Variants in CTBP2 observed in about 807,000 individuals in gnomAD.
The protein encoded by CTBP2 is C-terminal binding protein 2.
In CTBP2, 30 loss-of-function variants were observed where a neutral mutation model predicts 80.3. The observed-to-expected ratio is 0.37, with a 90% CI of 0.28 to 0.51. CTBP2 has a LOEUF of 0.51. Among genes scored for constraint, CTBP2 ranks in the 20% least tolerant of loss-of-function variants. CTBP2 has a pLI of 0.93. For synonymous variants in CTBP2, 594 were observed against 587.4 expected (o/e 1.01, Z -0.16); for missense variants, 1,212 against 1,375.3 (o/e 0.88, Z 1.88).
chr10:125,098,973 TC>T (rs1277465460), intron 2 of CTBP2, among the ~76,000 whole-genome samples: 1 of 152,110 alleles, frequency 6.6e-6, no homozygotes, highest in Non-Finnish European at 1.5e-5. Flanking sequence ...CTCAGCAAGC[TC>T]ACCTGACTGA....
At chr10:125,020,954 G>C (rs1956976886) in intron 1 of CTBP2, among the ~76,000 whole-genome samples, 1 of 152,238 alleles carries the variant, frequency 6.6e-6, no homozygotes, top group African/African-American at 2.4e-5. Context: ...TAGGAGAGCA[G>C]TCTTTGCACA....
intron 1 of CTBP2, among the ~76,000 whole-genome samples, chr10:125,006,292 A>C (rs1477935622): frequency 3.4e-5 from 5 of 145,898 alleles, no homozygotes; most frequent in Non-Finnish European, 7.6e-5. Flanking sequence ...GATGCCGGGC[A>C]CGACGGCTGG....
upstream of CTBP2, among the ~76,000 whole-genome samples, chr10:125,029,163 TCA>T (rs1957937039): frequency 6.6e-6 from 1 of 151,868 alleles, no homozygotes; most frequent in South Asian, 2.1e-4. Context: ...TGTTCCTCAC[TCA>T]CATCTCTCTC....
At chr10:125,059,438 C>A (rs975596466) in intron 2 of CTBP2, among the ~76,000 whole-genome samples, 1 of 151,998 alleles carries the variant, frequency 6.6e-6, no homozygotes, top group African/African-American at 2.4e-5. Flanking sequence ...AAAAATTAGC[C>A]GGGTGTGGTG....
At chr10:125,011,393 A>G (rs867968375) in intron 1 of CTBP2, among the ~76,000 whole-genome samples, 1 of 152,328 alleles carries the variant, frequency 6.6e-6, no homozygotes, top group South Asian at 2.1e-4. Context: ...CTGGACACAG[A>G]GCTGGCGAGG....
chr10:125,012,644 G>A (rs1327659285), intron 1 of CTBP2, among the ~76,000 whole-genome samples: 1 of 152,174 alleles, frequency 6.6e-6, no homozygotes, highest in Non-Finnish European at 1.5e-5. Context: ...AAAAATTGTT[G>A]TTGTTGTTGT....
intron 2 of CTBP2, among the ~76,000 whole-genome samples, chr10:125,043,052 T>C (rs73375166): frequency 0.1 from 15,203 of 152,222 alleles, 1,054 homozygotes; most frequent in African/African-American, 0.2. Flanking sequence ...TTTCTGAAGA[T>C]GAACAAGGCT....
chr10:125,004,601 G>C (rs1954986738), intron 1 of CTBP2, among the ~76,000 whole-genome samples: 1 of 152,158 alleles, frequency 6.6e-6, no homozygotes, highest in South Asian at 2.1e-4. Flanking sequence ...TGCCAGGAAG[G>C]GGCAATGTCT....
intron 1 of CTBP2, among the ~76,000 whole-genome samples, chr10:125,025,567 CT>C (rs1479737451): frequency 6.6e-6 from 1 of 152,236 alleles, no homozygotes; most frequent in Non-Finnish European, 1.5e-5. Context: ...ACATTTTCAT[CT>C]CCACGGTGGG....
intron 2 of CTBP2, among the ~76,000 whole-genome samples, chr10:125,073,405 A>G (rs1845809751): frequency 6.6e-6 from 1 of 151,998 alleles, no homozygotes; most frequent in Non-Finnish European, 1.5e-5. Context: ...CACCACACCC[A>G]GCTATATTTT....
At chr10:125,004,594 C>T (rs1471898384) in intron 1 of CTBP2, among the ~76,000 whole-genome samples, 1 of 152,184 alleles carries the variant, frequency 6.6e-6, no homozygotes, top group Non-Finnish European at 1.5e-5. Context: ...GCCGAGATGC[C>T]AGGAAGGGGC....
intron 1 of CTBP2, among the ~76,000 whole-genome samples, chr10:125,021,146 T>C (rs1956997459): frequency 6.6e-6 from 1 of 152,080 alleles, no homozygotes; most frequent in Admixed American, 6.5e-5. Flanking sequence ...AGGGCCTCAG[T>C]AGTCCAGTGT....
Position 125,027,968 on chromosome 10 carries a change from C to T in CTBP2, c.-209G>A, listed in dbSNP as rs1957825490. 7.3e-7 allele frequency: 1 copy of T among 1,363,514 alleles called. No individual in the cohort carries two copies. Among genetic ancestry groups the T allele is most frequent in the Middle Eastern group, 2.7e-4 (1 of 3,644 alleles). 84.5% of individuals were successfully genotyped at this position (1,363,514 alleles called of 1,614,324 possible). Reference sequence around the variant, plus strand: ...AAACATAAGACTCACGGTAACTTTGCCTCACTCCCCAACGATAGCCAGAGA... The same window carrying T: ...AAACATAAGACTCACGGTAACTTTGTCTCACTCCCCAACGATAGCCAGAGA... On this transcript the variant is annotated 5_prime_UTR_variant, in exon 1 of 9. Coordinates refer to ENST00000309035, the MANE Select transcript of CTBP2 (RefSeq NM_022802.3).
Position 125,049,496 on chromosome 10 carries a change from G to A in CTBP2, c.-101-10341C>T, listed in dbSNP as rs1168909282. On this transcript the variant is annotated intron_variant, in intron 2 of 10. Coordinates refer to the CTBP2 transcript ENST00000337195. ...CTTCTCTTCATGGCTCTGATGCCAC[G>A]AATACCTCACAAGCTTGCTCCAAGT... 2.6e-5 allele frequency among the ~76,000 whole-genome samples: 4 copies of A among 152,114 alleles called. No homozygotes were observed. In the East Asian group the frequency reaches 5.8e-4, roughly 22 times the overall value.
intron 1 of CTBP2, among the ~76,000 whole-genome samples, chr10:125,156,128 G>T (rs1008056044): frequency 1.3e-5 from 2 of 152,136 alleles, no homozygotes; most frequent in African/African-American, 4.8e-5. Context: ...TCCACCCTGT[G>T]TAACAGACCT....
chr10:125,014,688 C>A (rs1956294429), intron 1 of CTBP2, among the ~76,000 whole-genome samples: 1 of 152,240 alleles, frequency 6.6e-6, no homozygotes, highest in African/African-American at 2.4e-5. Context: ...GGAACACCAG[C>A]CCTCCAGAAA....
At chr10:125,104,312 A>G (rs907595359) in intron 2 of CTBP2, among the ~76,000 whole-genome samples, 2 of 152,190 alleles carry the variant, frequency 1.3e-5, no homozygotes, top group Non-Finnish European at 2.9e-5. Context: ...ACTGCTGCTC[A>G]TCCACGGCTG....
chr10:125,103,396 G>A (rs1850940568), intron 2 of CTBP2, among the ~76,000 whole-genome samples: 2 of 152,324 alleles, frequency 1.3e-5, no homozygotes, highest in African/African-American at 4.8e-5. Flanking sequence ...AATCACTCTG[G>A]AAGGTTCTAA....
Position 125,027,164 on chromosome 10 carries a change from C to T in CTBP2, c.596G>A (p.Gly199Glu), listed in dbSNP as rs138928811. 116 of 1,605,360 alleles carry T rather than the reference C, an allele frequency of 7.2e-5. 1 individual carries two copies. Among genetic ancestry groups the T allele is most frequent in the African/African-American group, 7.1e-4 (53 of 74,904 alleles). Residue 199 changes from glycine to glutamate, a missense_variant, in exon 1 of 9, where the codon GGG becomes GAG. By Grantham distance (98) the Gly-to-Glu change is moderately conservative (BLOSUM62 -2). This residue lies in a region of CTBP2 where 848 missense variants were observed against 782.3 expected (regional missense o/e 1.08). Transcript: ENST00000309035. Reference sequence around the variant, plus strand: ...GAGGGGGTAGGCAGGCACCTCCGCCCCATACCTGGTGTCGGGCTGCTCCCG... The same window carrying T: ...GAGGGGGTAGGCAGGCACCTCCGCCTCATACCTGGTGTCGGGCTGCTCCCG...
Sources: gnomAD v4.1 joint callset for allele counts (sites outside exome capture counted in the v4.1 genomes callset) on GRCh38, gnomAD v4.1.1 for gene constraint, gnomAD v4.1.1 regional missense constraint, MANE v1.5 for transcripts, NCBI Gene and HGNC (gene_info 2026-07-23, HGNC 2026-07-21) for gene names.